The following ARMH3 variants were observed in gnomAD, a reference collection of about 807,000 sequenced individuals.
ARMH3 encodes armadillo like helical domain containing 3.
ARMH3 carries 60 observed loss-of-function variants against 99.1 expected under a neutral mutation model. The observed-to-expected ratio is 0.61, with a 90% CI of 0.49 to 0.75. The LOEUF (loss-of-function observed/expected upper bound fraction) is 0.75. Among genes scored for constraint, ARMH3 ranks in the 30% least tolerant of loss-of-function variants. ARMH3 has a pLI of 0.00. For synonymous variants in ARMH3, 285 were observed against 292.8 expected (o/e 0.97, Z 0.27); for missense variants, 679 against 843.1 (o/e 0.81, Z 2.41).
intron 22 of ARMH3, among the ~76,000 whole-genome samples, chr10:101,948,759 C>T (rs992417495): frequency 1.2e-3 from 189 of 151,804 alleles, no homozygotes; most frequent in African/African-American, 4.3e-3. Flanking sequence ...CAAACTGAAA[C>T]TTACAGAACA....
chr10:102,049,680 TG>T (rs1041729735), intron 1 of ARMH3, among the ~76,000 whole-genome samples: 3 of 151,310 alleles, frequency 2.0e-5, no homozygotes, highest in South Asian at 2.1e-4. Flanking sequence ...CTCAGCCTCC[TG>T]GGTAGCTGGG....
intron 20 of ARMH3, among the ~76,000 whole-genome samples, chr10:101,961,144 G>A (rs527514309): frequency 4.0e-4 from 61 of 151,956 alleles, no homozygotes; most frequent in African/African-American, 1.4e-3. Context: ...CCTCATTATC[G>A]CCTTCCTGTC....
chr10:101,960,768 T>TA (rs1236563837), intron 20 of ARMH3, among the ~76,000 whole-genome samples: 3 of 151,204 alleles, frequency 2.0e-5, no homozygotes, highest in Non-Finnish European at 4.4e-5. Context: ...CGGGCACCTG[T>TA]AATCCCAGCT....
intron 1 of ARMH3, among the ~76,000 whole-genome samples, chr10:102,055,237 T>C (rs916232072): frequency 1.3e-5 from 2 of 151,430 alleles, no homozygotes; most frequent in Admixed American, 6.6e-5. Flanking sequence ...GCAGAGGTTG[T>C]GGTAAGCCGA....
chr10:101,921,197 G>A (rs1374350342), intron 23 of ARMH3, among the ~76,000 whole-genome samples: 1 of 152,138 alleles, frequency 6.6e-6, no homozygotes, highest in Admixed American at 6.5e-5. Flanking sequence ...ATACCACAAA[G>A]TAGATGAATC....
At chr10:101,965,894 G>A (rs1845508542) in intron 20 of ARMH3, among the ~76,000 whole-genome samples, 1 of 152,040 alleles carries the variant, frequency 6.6e-6, no homozygotes, top group Non-Finnish European at 1.5e-5. Flanking sequence ...TCCCTTCCTT[G>A]GGGAGTCCTG....
At chr10:101,995,216 A>G (rs1355316649) in intron 16 of ARMH3, 81 bp downstream of exon 16, 1 of 1,191,094 alleles carries the variant, frequency 8.4e-7, no homozygotes, top group Non-Finnish European at 1.2e-6. Flanking sequence ...ATGTCATGAG[A>G]CAGTAATGGG....
At chr10:102,041,162 A>C (rs1054087858) in intron 1 of ARMH3, among the ~76,000 whole-genome samples, 1 of 147,996 alleles carries the variant, frequency 6.8e-6, no homozygotes, top group African/African-American at 2.5e-5. Flanking sequence ...TTTCAATTCT[A>C]TATAAAAGTA....
chr10:101,973,736 A>G (rs996248748), intron 20 of ARMH3, among the ~76,000 whole-genome samples: 5 of 152,234 alleles, frequency 3.3e-5, no homozygotes, highest in African/African-American at 9.6e-5. Flanking sequence ...AGAATGAAAG[A>G]GAAAGTAAAA....
In ARMH3 at chr10:102,002,137, T is replaced by C. The variant is rs1026001459; in HGVS notation, c.1049-65A>G. On this transcript the variant is annotated intron_variant, in intron 14 of 25. Coordinates refer to ENST00000370033, the MANE Select transcript of ARMH3 (RefSeq NM_024541.3). ...ATTCCATCTAACACTTCTACCCACA[T>C]AGCCAATTTGCCAGCAGGCAAAAAA... 5 of 1,585,672 alleles carry C rather than the reference T, an allele frequency of 3.2e-6. No homozygotes were observed. The Admixed American group carries it at 5.5e-5, about 17-fold the overall frequency.
In ARMH3 at chr10:102,006,551, G is replaced by A; in HGVS notation, c.1037C>T (p.Pro346Leu). The A allele has an allele frequency of 6.2e-7, 1 of 1,613,852 alleles. No homozygotes were observed. The highest frequency in any genetic ancestry group is 8.5e-7 in the Non-Finnish European group (1 of 1,179,748). ...TPVTPLGTTP[P>L]SSDVISSVEL... ...GGTGGTGGGCTCACCATCAGAGGAA[G>A]GCGGTGTGGTCCCAAGTGGTGTGAC... The change falls in exon 14 of 26, where the codon CCT becomes CTT. Residue 346 changes from proline (P) to leucine (L), a missense_variant. Pro to Leu is a moderately conservative substitution (Grantham distance 98). This residue lies in a region of ARMH3 where 389 missense variants were observed against 456.5 expected (regional missense o/e 0.85). Coordinates refer to ENST00000370033, the MANE Select transcript of ARMH3 (RefSeq NM_024541.3).
At chr10:101,953,551 T>C (rs1156534777) in intron 22 of ARMH3, among the ~76,000 whole-genome samples, 1 of 151,510 alleles carries the variant, frequency 6.6e-6, no homozygotes, top group African/African-American at 2.4e-5. Flanking sequence ...CCTTTTTTTT[T>C]TTTTTTTTTT....
At chr10:102,007,159 C>CAAAAAAAAAAAAAAAAAAA (rs10639768) in intron 13 of ARMH3, among the ~76,000 whole-genome samples, 17 of 60,040 alleles carry the variant, frequency 2.8e-4, no homozygotes, top group African/African-American at 4.9e-4. Flanking sequence ...GACTCTATCT[C>CAAAAAAAAAAAAAAAAAAA]AAAAAAAAAA....
chr10:101,887,853 C>T (rs534286143), intron 24 of ARMH3, among the ~76,000 whole-genome samples: 23 of 152,002 alleles, frequency 1.5e-4, no homozygotes, highest in Non-Finnish European at 2.9e-4. Context: ...TTGAGAGGCA[C>T]TTTCATCATT....
At chr10:101,984,926 G>A (rs527354822) in intron 19 of ARMH3, among the ~76,000 whole-genome samples, 27 of 151,846 alleles carry the variant, frequency 1.8e-4, no homozygotes, top group African/African-American at 4.4e-4. Flanking sequence ...AAAATTAGCC[G>A]GGCGTGGTGG....
intron 23 of ARMH3, among the ~76,000 whole-genome samples, chr10:101,897,902 C>G (rs2067877036): frequency 6.6e-6 from 1 of 152,172 alleles, no homozygotes; most frequent in Non-Finnish European, 1.5e-5. Context: ...TAAGGATGAA[C>G]AGTAAACCGG....
At chr10:101,981,187 T>C (rs1368737634) in intron 19 of ARMH3, among the ~76,000 whole-genome samples, 1 of 148,220 alleles carries the variant, frequency 6.7e-6, no homozygotes, top group Middle Eastern at 3.4e-3. Flanking sequence ...GAAGAAATAA[T>C]GAAAAAAAAA....
chr10:101,871,096 A>G (rs2067121296), intron 24 of ARMH3, among the ~76,000 whole-genome samples: 1 of 152,276 alleles, frequency 6.6e-6, no homozygotes, highest in African/African-American at 2.4e-5. Flanking sequence ...TACCATTTAC[A>G]TGACATAAAA....
chr10:102,016,040 T>C (rs1412776128), intron 8 of ARMH3, among the ~76,000 whole-genome samples: 1 of 152,172 alleles, frequency 6.6e-6, no homozygotes, highest in Non-Finnish European at 1.5e-5. Flanking sequence ...AAGGATGAAG[T>C]GTGAGGATCA....
Sources: allele counts gnomAD v4.1 joint callset (sites outside exome capture counted in the v4.1 genomes callset), GRCh38; gene constraint gnomAD v4.1.1; regional missense constraint gnomAD v4.1.1; transcripts MANE v1.5; gene names NCBI Gene and HGNC (gene_info 2026-07-23, HGNC 2026-07-21).